NEK11: variants seen among roughly 807,000 people sequenced by gnomAD.
The protein encoded by NEK11 is NIMA related kinase 11, also known as serine/threonine-protein kinase Nek11.
NEK11 carries 72 observed loss-of-function variants against 80.7 expected under a neutral mutation model. That is an observed-to-expected ratio of 0.89 (90% CI 0.74 to 1.08). The LOEUF (loss-of-function observed/expected upper bound fraction) is 1.08. Among genes scored for constraint, NEK11 ranks in the 50% least tolerant of loss-of-function variants. The pLI is 0.00. For synonymous variants in NEK11, 251 were observed against 260.7 expected (o/e 0.96, Z 0.36); for missense variants, 764 against 763.6 (o/e 1.00, Z -0.01).
At chr3:131,191,291 G>T (rs995891776) in intron 14 of NEK11, among the ~76,000 whole-genome samples, 1 of 152,152 alleles carries the variant, frequency 6.6e-6, no homozygotes, top group Admixed American at 6.6e-5. Flanking sequence ...GTCTCACTGG[G>T]CTAAAATCAA....
chr3:131,165,560 CT>C (rs1263874225), intron 12 of NEK11, 41 bp downstream of exon 12: 20 of 1,346,014 alleles, frequency 1.5e-5, no homozygotes, highest in Non-Finnish European at 1.9e-5. Context: ...AAAAATTTTT[CT>C]TGCTTTAGAT....
intron 17 of NEK11, among the ~76,000 whole-genome samples, chr3:131,297,167 G>A (rs6439281): frequency 0.12 from 17,975 of 151,730 alleles, 1,497 homozygotes; most frequent in East Asian, 0.3. Flanking sequence ...AGTCCTTTGG[G>A]TATATACCCA....
chr3:131,305,942 A>G (rs2096719069), intron 17 of NEK11, among the ~76,000 whole-genome samples: 1 of 151,972 alleles, frequency 6.6e-6, no homozygotes, highest in Non-Finnish European at 1.5e-5. Flanking sequence ...CCGTCTCTTG[A>G]TGGGATATGT....
chr3:131,105,556 A>G (rs968196260), intron 4 of NEK11, among the ~76,000 whole-genome samples: 1 of 152,216 alleles, frequency 6.6e-6, no homozygotes. Context: ...CAGGAAGCTT[A>G]TAATCATGTT....
At chr3:131,027,081 G>A (rs961805131) in intron 1 of NEK11, 75 bp downstream of exon 1, 5 of 152,286 alleles carry the variant, frequency 3.3e-5, no homozygotes, top group Non-Finnish European at 7.3e-5. Context: ...AAGCTGCCCG[G>A]GCTGGGTTCC....
intron 17 of NEK11, among the ~76,000 whole-genome samples, chr3:131,310,228 G>A (rs1346880545): frequency 1.3e-5 from 2 of 152,064 alleles, no homozygotes; most frequent in Non-Finnish European, 2.9e-5. Flanking sequence ...GTACCCTTGA[G>A]TCTCCAAAAG....
intron 5 of NEK11, 63 bp downstream of exon 5, chr3:131,109,984 A>C: frequency 6.6e-7 from 1 of 1,512,084 alleles, no homozygotes; most frequent in Non-Finnish European, 8.8e-7. Flanking sequence ...GAACTTGAAA[A>C]GTGAATTTTT....
intron 16 of NEK11, among the ~76,000 whole-genome samples, chr3:131,266,857 A>G (rs953951205): frequency 1.3e-4 from 20 of 152,254 alleles, no homozygotes; most frequent in Admixed American, 1.2e-3. Flanking sequence ...GGCTTGCTTT[A>G]TGAATCTAGG....
chr3:131,096,839 C>T lies in NEK11; in HGVS notation c.337-12964C>T, dbSNP rs952242443. On this transcript the variant is annotated intron_variant, in intron 4 of 17. Coordinates refer to ENST00000383366, the MANE Select transcript of NEK11 (RefSeq NM_024800.5). ...CATGCTGGTATGCTGTACCCATTAACTCGTCATTTAGCATTAGGTATATCT... is the reference window on the plus strand; with the variant it reads ...CATGCTGGTATGCTGTACCCATTAATTCGTCATTTAGCATTAGGTATATCT... Among the ~76,000 whole-genome samples the T allele has an allele frequency of 1.0e-4, 15 of 150,372 alleles. No homozygotes were observed. In the East Asian group the frequency reaches 2.9e-3, roughly 29 times the overall value.
intron 17 of NEK11, among the ~76,000 whole-genome samples, chr3:131,322,305 A>G (rs2096905658): frequency 6.6e-6 from 1 of 152,118 alleles, no homozygotes; most frequent in Non-Finnish European, 1.5e-5. Context: ...GGAGGAAGAG[A>G]AGGGGAAAGT....
chr3:131,153,036 G>A (rs1960765), intron 9 of NEK11, among the ~76,000 whole-genome samples: 13,730 of 152,130 alleles, frequency 0.09, 1,139 homozygotes, highest in East Asian at 0.43. Flanking sequence ...GCAGTGAGCC[G>A]AGATTGCGCC....
Position 131,122,018 on chromosome 3 carries a change from G to A in NEK11, c.456-10727G>A, listed in dbSNP as rs142480246. ...CAGCAAGCCCCAGTGAGATGAACCC[G>A]GTACCTCAGTTGGAAATGCAGAAAT... On this transcript the variant is annotated intron_variant, in intron 5 of 17. Transcript: ENST00000383366. Among the ~76,000 whole-genome samples the A allele has an allele frequency of 2.6e-4, 40 of 152,294 alleles. 1 individual carries two copies. The highest frequency in any genetic ancestry group is 8.3e-4 in the South Asian group (4 of 4,818).
chr3:131,347,293 C>T (rs902794417), intron 17 of NEK11, among the ~76,000 whole-genome samples: 10 of 152,176 alleles, frequency 6.6e-5, no homozygotes, highest in African/African-American at 2.4e-4. Context: ...AAAATGAAGA[C>T]AAATGTTCAA....
At chr3:131,094,047 A>G (rs114443380) in intron 4 of NEK11, among the ~76,000 whole-genome samples, 8 of 149,678 alleles carry the variant, frequency 5.3e-5, no homozygotes, top group Non-Finnish European at 1.0e-4. Flanking sequence ...TGAGATCTCC[A>G]GTGGATTTAC....
chr3:131,258,468 C>A (rs886814962), intron 16 of NEK11, among the ~76,000 whole-genome samples: 1 of 152,108 alleles, frequency 6.6e-6, no homozygotes, highest in Non-Finnish European at 1.5e-5. Flanking sequence ...TTCATGTTGG[C>A]AGATAAGAAT....
chr3:131,203,119 C>T (rs1040015030), intron 14 of NEK11, among the ~76,000 whole-genome samples: 3 of 152,098 alleles, frequency 2.0e-5, no homozygotes, highest in African/African-American at 4.8e-5. Context: ...ACTATAAAGA[C>T]GCATGCACTT....
rs531421592 is a variant in NEK11 at position 131,049,675 on chromosome 3, T to A, written c.170+19797T>A. On this transcript the variant is annotated intron_variant, in intron 3 of 17. Coordinates refer to ENST00000383366, the MANE Select transcript of NEK11 (RefSeq NM_024800.5). ...GTATCTATTTCAAGAGTTTGTCAGA[T>A]AAACTATGCAGAACCAAGATGTCAG... 9.6e-4 allele frequency among the ~76,000 whole-genome samples: 147 copies of A among 152,350 alleles called. 1 individual carries two copies. Among genetic ancestry groups the A allele is most frequent in the South Asian group, 1.7e-3 (8 of 4,830 alleles).
intron 16 of NEK11, among the ~76,000 whole-genome samples, chr3:131,256,427 TA>T (rs1409463761): frequency 6.6e-6 from 1 of 152,202 alleles, no homozygotes; most frequent in Non-Finnish European, 1.5e-5. Context: ...CCCTAAGTTC[TA>T]AAAACTTACT....
chr3:131,115,371 T>A (rs907776758), intron 5 of NEK11, among the ~76,000 whole-genome samples: 1 of 152,120 alleles, frequency 6.6e-6, no homozygotes, highest in African/African-American at 2.4e-5. Context: ...ATGAGCCAAT[T>A]CTTCATAATA....
Sources: allele counts gnomAD v4.1 joint callset (sites outside exome capture counted in the v4.1 genomes callset), GRCh38; gene constraint gnomAD v4.1.1; transcripts MANE v1.5; gene names NCBI Gene and HGNC (gene_info 2026-07-23, HGNC 2026-07-21).